IGF2: variants seen among roughly 807,000 people sequenced by gnomAD.
IGF2 encodes insulin like growth factor 2, also known as insulin-like growth factor 2.
In IGF2, 2 loss-of-function variants were observed where a neutral mutation model predicts 12.0. That is an observed-to-expected ratio of 0.17 (90% CI 0.07 to 0.52). The LOEUF is 0.52. Among genes scored for constraint, IGF2 ranks in the 20% least tolerant of loss-of-function variants. The probability of loss-of-function intolerance (pLI) is 0.95; values close to 1 mark genes in which losing one functional copy is unlikely to be tolerated. For synonymous variants in IGF2, 105 were observed against 110.1 expected, an observed-to-expected ratio of 0.95 and a Z score of 0.29; for missense variants, 211 against 268.0, an observed-to-expected ratio of 0.79 and a Z score of 1.48.
chr11:2,141,152 A>G (rs1190222676), upstream of IGF2: 4 of 182,400 alleles, frequency 2.2e-5, no homozygotes, highest in Non-Finnish European at 3.5e-5. Context: ...GAAATTTCCC[A>G]AATCCGAGTT....
rs776260679 is a variant in IGF2, at chr11:2,138,388, T to TG, written c.-167dup. The TG allele has an allele frequency of 0.15, 19,756 of 128,242 alleles. 1,897 individuals carry two copies. Among genetic ancestry groups the TG allele is most frequent in the Admixed American group, 0.4 (2,515 of 6,364 alleles). 7.9% of individuals were successfully genotyped at this position (128,242 alleles called of 1,614,324 possible). A position where few individuals can be genotyped will look rare whatever the true frequency, so the allele number is the denominator to read the frequency against. ...GCAGAGCGGGGGGATGGCTTTTTTT[T>TG]GGGGGGGGGGGGAGAATTCGTCTGA... On this transcript the variant is annotated 5_prime_UTR_variant, in exon 1 of 4. Transcript: ENST00000416167.
At chr11:2,137,038 G>A (rs1196273737) in intron 1 of IGF2, 1 of 161,296 alleles carries the variant, frequency 6.2e-6, no homozygotes, top group African/African-American at 2.4e-5. Flanking sequence ...GGCAGGGGCA[G>A]AGGAAAAGAG....
At chr11:2,139,451 CGG>C (rs1859383056), upstream of IGF2, 1 of 146,428 alleles carries the variant, frequency 6.8e-6, no homozygotes, top group African/African-American at 2.5e-5. Flanking sequence ...AGGGCCCGCG[CGG>C]GCCTCGCTGG....
At chr11:2,145,416 C>G (rs943807370), upstream of IGF2, among the ~76,000 whole-genome samples, 3 of 152,218 alleles carry the variant, frequency 2.0e-5, no homozygotes, top group African/African-American at 7.2e-5. Flanking sequence ...CTAGGCTCCC[C>G]CCACCTTCTC....
In IGF2 at chr11:2,132,951, T is replaced by C; in HGVS notation, c.*36A>G. On this transcript the variant is annotated 3_prime_UTR_variant, in exon 4 of 4. Coordinates refer to ENST00000416167, the MANE Select transcript of IGF2 (RefSeq NM_000612.6). Reference sequence around the variant, plus strand: ...CCGTGGTCAGGAGGAGGCTGCAGGATGGTGGCGCCGGGCTGCAGACTTGCG... The same window carrying C: ...CCGTGGTCAGGAGGAGGCTGCAGGACGGTGGCGCCGGGCTGCAGACTTGCG... 7.3e-7 allele frequency: 1 copy of C among 1,363,178 alleles called. No individual in the cohort carries two copies. The highest frequency in any genetic ancestry group is 1.0e-6 in the Non-Finnish European group (1 of 1,003,918). 84.4% of individuals were successfully genotyped at this position (1,363,178 alleles called of 1,614,324 possible).
At chr11:2,147,725 G>A in the IGF2 span, 1 of 1,249,480 alleles carries the variant, frequency 8.0e-7, no homozygotes, top group Non-Finnish European at 1.0e-6. The surrounding 1 kb of genome is among the most constrained non-coding windows in gnomAD (Gnocchi z 7.2). Context: ...GCAGGGGGCT[G>A]AGCTGGCAGC....
upstream of IGF2, chr11:2,140,014 G>T (rs889752576): frequency 1.1e-6 from 1 of 937,734 alleles, no homozygotes; most frequent in Non-Finnish European, 1.5e-6. Flanking sequence ...GCCCCCGCCA[G>T]GTGCGGGACG....
chr11:2,139,855 G>A (rs576646087), upstream of IGF2, among the ~76,000 whole-genome samples: 1 of 151,996 alleles, frequency 6.6e-6, no homozygotes, highest in South Asian at 2.1e-4. Context: ...GAGTCGGGGG[G>A]TCCTTGCTGG....
chr11:2,149,079 T>TA, the IGF2 span: 2 of 1,575,070 alleles, frequency 1.3e-6, no homozygotes, highest in African/African-American at 1.3e-5. Flanking sequence ...CCTGAACACT[T>TA]AAAGTGCAGC....
chr11:2,138,626 G>T lies in IGF2; in HGVS notation c.-404C>A, dbSNP rs1859282834. ...CGAGAGGCGGGCAGGCGCACAGCGG[G>T]AGAGAACAGCACGGAGAGAAACAGA... is the stretch of plus-strand genomic sequence containing the variant. On this transcript the variant is annotated 5_prime_UTR_variant, in exon 1 of 4. Coordinates refer to ENST00000416167, the MANE Select transcript of IGF2 (RefSeq NM_000612.6). 1.0e-6 allele frequency: 1 copy of T among 981,872 alleles called. No homozygotes were observed. Among genetic ancestry groups the T allele is most frequent in the African/African-American group, 1.8e-5 (1 of 56,314 alleles). 60.8% of individuals were successfully genotyped at this position (981,872 alleles called of 1,614,324 possible). A position where few individuals can be genotyped will look rare whatever the true frequency, so the allele number is the denominator to read the frequency against.
Position 2,133,274 on chromosome 11 carries a change from G to C in IGF2, c.307-51C>G. 1 of 1,297,070 alleles carries C rather than the reference G, an allele frequency of 7.7e-7. No homozygotes were observed. Among genetic ancestry groups the C allele is most frequent in the Non-Finnish European group, 1.1e-6 (1 of 942,670 alleles). The allele number at this position is 1,297,070 out of a possible 1,614,324, so 80.3% of individuals were successfully genotyped here. A position where few individuals can be genotyped will look rare whatever the true frequency, so the allele number is the denominator to read the frequency against. On this transcript the variant is annotated intron_variant, in intron 3 of 3. Transcript: ENST00000416167. The surrounding 1 kb of genome is among the most constrained non-coding windows in gnomAD (Gnocchi z 8.9). ...AGGTGCCTGCTCTCCACGCTCTTCC[G>C]CCTGAGCCGCCCGCCTGACCTGACA...
intron 1 of IGF2, chr11:2,137,388 C>T (rs1859145736): frequency 3.2e-6 from 1 of 316,308 alleles, no homozygotes; most frequent in Non-Finnish European, 4.6e-6. Flanking sequence ...CACTCCCCCG[C>T]GCCTTTGCTC....
rs896831564 is a variant in IGF2 at position 2,132,324 on chromosome 11, G to A, written c.*663C>T. 3.1e-5 allele frequency: 6 copies of A among 191,966 alleles called. No homozygotes were observed. The highest frequency in any genetic ancestry group is 7.0e-5 in the African/African-American group (3 of 42,916). 11.9% of individuals were successfully genotyped at this position (191,966 alleles called of 1,614,324 possible). A position where few individuals can be genotyped will look rare whatever the true frequency, so the allele number is the denominator to read the frequency against. The stretch of plus-strand genomic sequence containing the variant: ...GCCAGTCTGGGTTGTTGCTATTTTC[G>A]GATGGCCAGTTTACCCTGAAAATTC... On this transcript the variant is annotated 3_prime_UTR_variant, in exon 4 of 4. Coordinates refer to ENST00000416167, the MANE Select transcript of IGF2 (RefSeq NM_000612.6).
chr11:2,144,839 T>A (rs1859819645), upstream of IGF2, among the ~76,000 whole-genome samples: 1 of 152,010 alleles, frequency 6.6e-6, no homozygotes, highest in Non-Finnish European at 1.5e-5. Flanking sequence ...CTGGGGCAAC[T>A]ACAGTGGGCA....
At chr11:2,137,601 C>T (rs992870436) in intron 1 of IGF2, among the ~76,000 whole-genome samples, 3 of 152,062 alleles carry the variant, frequency 2.0e-5, no homozygotes, top group African/African-American at 4.8e-5. Context: ...GGGCCGCGGC[C>T]TCTCTCCGGG....
At chr11:2,146,196 C>G (rs752712970), upstream of IGF2, 1 of 519,362 alleles carries the variant, frequency 1.9e-6, no homozygotes, top group South Asian at 1.4e-5. Context: ...CCCATCCCCT[C>G]GCTCACCAGC....
chr11:2,138,532 GAT>G lies in IGF2; in HGVS notation c.-312_-311del. On this transcript the variant is annotated 5_prime_UTR_variant, in exon 1 of 4. Coordinates refer to ENST00000416167, the MANE Select transcript of IGF2 (RefSeq NM_000612.6). Reference sequence around the variant, plus strand: ...TGTATCAAGGATAGAGGGGGGCAGAGATAGTGGGAGAGACAGAGTGAACGTGA... The same window carrying G: ...TGTATCAAGGATAGAGGGGGGCAGAGAGTGGGAGAGACAGAGTGAACGTGA... The G allele has an allele frequency of 9.2e-6, 6 of 654,104 alleles. No homozygotes were observed. Among genetic ancestry groups the G allele is most frequent in the Non-Finnish European group, 1.1e-5 (6 of 543,894 alleles). The allele number at this position is 654,104 out of a possible 1,614,324, so 40.5% of individuals were successfully genotyped here.
chr11:2,133,788 T>C lies in IGF2; in HGVS notation c.158-123A>G. On this transcript the variant is annotated intron_variant, in intron 2 of 3. Transcript: ENST00000416167. This position sits in a 1 kb window ranked among gnomAD's most constrained non-coding sequence, Gnocchi z 8.9. ...AGGCCCTGGAAGGACGCAGCCACCCTGCGGGTCAGGGGAGGGAAGTGAGAG... is the reference window on the plus strand; with the variant it reads ...AGGCCCTGGAAGGACGCAGCCACCCCGCGGGTCAGGGGAGGGAAGTGAGAG... 8.2e-7 allele frequency: 1 copy of C among 1,214,600 alleles called. No homozygotes were observed. The highest frequency in any genetic ancestry group is 1.2e-6 in the Non-Finnish European group (1 of 868,530). 75.2% of individuals were successfully genotyped at this position (1,214,600 alleles called of 1,614,324 possible).
At chr11:2,139,461 T>C (rs1271925984), upstream of IGF2, 1 of 144,086 alleles carries the variant, frequency 6.9e-6, no homozygotes, top group East Asian at 2.2e-4. Flanking sequence ...CGGGCCTCGC[T>C]GGCCTCGCGC....
Sources: allele counts gnomAD v4.1 joint callset (sites outside exome capture counted in the v4.1 genomes callset), GRCh38; gene constraint gnomAD v4.1.1; non-coding constraint Gnocchi (gnomAD v3.1); transcripts MANE v1.5; gene names NCBI Gene and HGNC (gene_info 2026-07-23, HGNC 2026-07-21).